Variants in CSMD1 observed in about 807,000 individuals in gnomAD.
CSMD1 encodes CUB and Sushi multiple domains 1.
CSMD1 carries 213 observed loss-of-function variants against 417.5 expected under a neutral mutation model. That is an observed-to-expected ratio of 0.51 (90% CI 0.46 to 0.57). CSMD1 has a LOEUF of 0.57. Ranked by LOEUF, CSMD1 falls within the 20% of genes least tolerant of loss-of-function variation. The pLI is 0.00. For missense variants in CSMD1, 6,923 were observed against 4,529.7 expected (o/e 1.53, Z -15.17); for synonymous variants, 2,862 against 1,736.8 (o/e 1.65, Z -16.11).
intron 1 of CSMD1, among the ~76,000 whole-genome samples, chr8:4,671,614 T>C (rs558890662): frequency 3.9e-5 from 6 of 152,324 alleles, no homozygotes; most frequent in Non-Finnish European, 8.8e-5. Flanking sequence ...CAACAGTTCC[T>C]CTCTCAGCAC....
At chr8:3,124,978 A>T (rs926091109) in intron 41 of CSMD1, among the ~76,000 whole-genome samples, 4 of 152,206 alleles carry the variant, frequency 2.6e-5, no homozygotes, top group Non-Finnish European at 2.9e-5. Context: ...CTTTGTTCCA[A>T]ATGTCTTGTT....
intron 6 of CSMD1, among the ~76,000 whole-genome samples, chr8:3,712,880 T>C (rs1003131126): frequency 2.6e-5 from 4 of 152,116 alleles, no homozygotes; most frequent in African/African-American, 4.8e-5. Context: ...GGTCAAAAGA[T>C]GGACAATTTC....
intron 49 of CSMD1, among the ~76,000 whole-genome samples, chr8:3,076,605 C>T (rs1185830344): frequency 1.3e-5 from 2 of 152,156 alleles, no homozygotes; most frequent in Admixed American, 6.5e-5. Context: ...CATAACTGCT[C>T]TCACTATTTT....
At chr8:3,517,517 C>T (rs1209882442) in intron 10 of CSMD1, among the ~76,000 whole-genome samples, 1 of 152,122 alleles carries the variant, frequency 6.6e-6, no homozygotes, top group Non-Finnish European at 1.5e-5. Context: ...ATGTCAGGTT[C>T]CAATGTCACA....
At chr8:4,364,025 T>C (rs1448040366) in intron 3 of CSMD1, among the ~76,000 whole-genome samples, 3 of 152,164 alleles carry the variant, frequency 2.0e-5, no homozygotes, top group African/African-American at 4.8e-5. Context: ...TAATTGTACT[T>C]ATTTCAATAA....
At chr8:3,272,892 C>G (rs1215319748) in intron 26 of CSMD1, among the ~76,000 whole-genome samples, 1 of 150,062 alleles carries the variant, frequency 6.7e-6, no homozygotes, top group African/African-American at 2.5e-5. Flanking sequence ...GACAATTTGA[C>G]TTCCTCTTTT....
intron 12 of CSMD1, among the ~76,000 whole-genome samples, chr8:3,436,714 A>G (rs932327922): frequency 3.9e-5 from 6 of 152,178 alleles, no homozygotes; most frequent in Admixed American, 6.5e-5. Flanking sequence ...CTTTCTGAGT[A>G]AAAGGCAGTC....
intron 5 of CSMD1, among the ~76,000 whole-genome samples, chr8:3,882,334 A>G (rs1023655957): frequency 5.3e-5 from 8 of 152,242 alleles, no homozygotes; most frequent in African/African-American, 9.6e-5. Context: ...AAATTCAAAT[A>G]AAATCTCGAC....
chr8:3,425,716 A>G (rs898697999), intron 12 of CSMD1, among the ~76,000 whole-genome samples: 2 of 152,188 alleles, frequency 1.3e-5, no homozygotes, highest in African/African-American at 4.8e-5. Context: ...GAAGAAAAAC[A>G]TCAAAGAAAA....
At chr8:3,060,122 A>G (rs1401185899) in intron 49 of CSMD1, among the ~76,000 whole-genome samples, 1 of 150,974 alleles carries the variant, frequency 6.6e-6, no homozygotes, top group African/African-American at 2.4e-5. Flanking sequence ...AAGACTATAC[A>G]TTGAGCCTGT....
intron 7 of CSMD1, among the ~76,000 whole-genome samples, chr8:3,638,806 C>T (rs538397414): frequency 6.6e-6 from 1 of 152,240 alleles, no homozygotes; most frequent in East Asian, 1.9e-4. Context: ...TCTGAGACTC[C>T]TCCCTCTCTC....
At chr8:3,767,755 C>T (rs1798359869) in intron 5 of CSMD1, among the ~76,000 whole-genome samples, 1 of 152,140 alleles carries the variant, frequency 6.6e-6, no homozygotes, top group African/African-American at 2.4e-5. Context: ...GATGATAAAA[C>T]ATTAATGACA....
chr8:3,697,751 A>T (rs749677203), intron 7 of CSMD1, among the ~76,000 whole-genome samples: 1 of 152,134 alleles, frequency 6.6e-6, no homozygotes, highest in Non-Finnish European at 1.5e-5. Context: ...ATTTGATGAA[A>T]ATTCATGTGT....
rs113560819 is a variant in CSMD1, at chr8:3,599,076, G to A, written c.1098-12816C>T. Among the ~76,000 whole-genome samples the A allele has an allele frequency of 2.0e-3, 308 of 151,570 alleles. 1 individual carries two copies. Among genetic ancestry groups the A allele is most frequent in the African/African-American group, 7.0e-3 (290 of 41,288 alleles). On this transcript the variant is annotated intron_variant, in intron 8 of 69. Transcript: ENST00000635120. ...AGCCTGGGTGTCAGAGCAAGACTCC[G>A]TCTCAAAAAAGAAAAGAAAAGCTGA...
At chr8:3,003,393 T>C (rs1406387957) in intron 52 of CSMD1, among the ~76,000 whole-genome samples, 2 of 152,192 alleles carry the variant, frequency 1.3e-5, no homozygotes, top group Non-Finnish European at 2.9e-5. Flanking sequence ...CTAGAAAGCC[T>C]CTCTGTCTTC....
rs1194821640 is a variant in CSMD1 at position 3,944,740 on chromosome 8, C to T, written c.818+53163G>A. On this transcript the variant is annotated intron_variant, in intron 5 of 69. Coordinates refer to ENST00000635120, the MANE Select transcript of CSMD1 (RefSeq NM_033225.6). Reference sequence around the variant, plus strand: ...CTTGACAATATTTCAAAATAATGCACTTTTCAAAACTATACTCTCAACTCT... The same window carrying T: ...CTTGACAATATTTCAAAATAATGCATTTTTCAAAACTATACTCTCAACTCT... 3.9e-5 allele frequency among the ~76,000 whole-genome samples: 6 copies of T among 152,208 alleles called. No homozygotes were observed. The South Asian group carries it at 6.2e-4, about 16-fold the overall frequency.
intron 5 of CSMD1, among the ~76,000 whole-genome samples, chr8:3,939,266 ACAT>A (rs1237013155): frequency 3.9e-5 from 6 of 152,290 alleles, no homozygotes; most frequent in Admixed American, 1.3e-4. Context: ...AAAATGCTCA[ACAT>A]CATTAATTAT....
At chr8:3,707,104 C>A (rs1300885705) in intron 7 of CSMD1, among the ~76,000 whole-genome samples, 6 of 152,144 alleles carry the variant, frequency 3.9e-5, no homozygotes, top group African/African-American at 1.4e-4. Flanking sequence ...TCTCTGTCCT[C>A]TCAACCTGCG....
At chr8:4,896,394 A>G (rs1394849391) in intron 1 of CSMD1, among the ~76,000 whole-genome samples, 6 of 151,986 alleles carry the variant, frequency 3.9e-5, no homozygotes, top group Admixed American at 3.3e-4. Context: ...AAAATTATTT[A>G]CTCGCTTCGA....
Sources: allele counts gnomAD v4.1 joint callset (sites outside exome capture counted in the v4.1 genomes callset), GRCh38; gene constraint gnomAD v4.1.1; transcripts MANE v1.5; gene names NCBI Gene and HGNC (gene_info 2026-07-23, HGNC 2026-07-21).